The following ZNF808 variants were observed in gnomAD, a reference collection of about 807,000 sequenced individuals.
The protein encoded by ZNF808 is zinc finger protein 808.
ZNF808 carries 5 observed loss-of-function variants against 8.7 expected under a neutral mutation model. The observed-to-expected ratio is 0.58, with a 90% CI of 0.30 to 1.21. The LOEUF (loss-of-function observed/expected upper bound fraction) is 1.21. ZNF808 is among the 50% of genes most tolerant of loss of function. The pLI is 0.07. For synonymous variants in ZNF808, 380 were observed against 366.0 expected, an observed-to-expected ratio of 1.04 and a Z score of -0.44; for missense variants, 1,103 against 1,098.4, an observed-to-expected ratio of 1.00 and a Z score of -0.06.
intron 4 of ZNF808, among the ~76,000 whole-genome samples, chr19:52,549,554 A>C (rs2059755128): frequency 6.6e-6 from 1 of 152,086 alleles, no homozygotes; most frequent in Non-Finnish European, 1.5e-5. Flanking sequence ...TTGAATATTT[A>C]ACCTTGGGTC....
chr19:52,555,119 T>TA lies in ZNF808; in HGVS notation c.2204dup (p.Tyr735Ter). 1 of 1,614,164 alleles carries TA rather than the reference T, an allele frequency of 6.2e-7. No homozygotes were observed. Among genetic ancestry groups the TA allele is most frequent in the Non-Finnish European group, 8.5e-7 (1 of 1,180,026 alleles). ...HRRIHSGEKP[Y>*]KCSECSKTFS... ...TAGAATTCATAGTGGTGAGAAACCTTACAAGTGTAGTGAGTGCAGCAAGAC... is the reference window on the plus strand; with the variant it reads ...TAGAATTCATAGTGGTGAGAAACCTTAACAAGTGTAGTGAGTGCAGCAAGAC... Residue 735 changes from tyrosine (Y) to a stop codon, truncating the protein, a stop_gained and frameshift_variant, in exon 5 of 5, where the codon TAC becomes TAAC. Transcript: ENST00000359798. LOFTEE classifies it low-confidence loss of function (END_TRUNC).
intron 3 of ZNF808, among the ~76,000 whole-genome samples, chr19:52,543,730 G>A (rs1015389609): frequency 6.6e-6 from 1 of 152,180 alleles, no homozygotes. Flanking sequence ...ATGTTAATGT[G>A]CGCAGATGTG....
At chr19:52,568,519 T>C (rs1008938118), downstream of ZNF808, among the ~76,000 whole-genome samples, 1 of 152,184 alleles carries the variant, frequency 6.6e-6, no homozygotes, top group Non-Finnish European at 1.5e-5. Context: ...TATGGAGTGA[T>C]AATGTAACCT....
intron 1 of ZNF808, among the ~76,000 whole-genome samples, chr19:52,530,846 G>T (rs1345502956): frequency 1.3e-5 from 2 of 151,944 alleles, no homozygotes; most frequent in Non-Finnish European, 2.9e-5. Flanking sequence ...GTAGACATAC[G>T]CCTCTAATTT....
At chr19:52,534,002 G>A (rs1356522339) in intron 2 of ZNF808, among the ~76,000 whole-genome samples, 1 of 152,124 alleles carries the variant, frequency 6.6e-6, no homozygotes. Context: ...TGCAACCAGA[G>A]TCTAGTGGAA....
intron 4 of ZNF808, among the ~76,000 whole-genome samples, chr19:52,551,596 T>G (rs1296153247): frequency 2.0e-5 from 3 of 152,152 alleles, no homozygotes; most frequent in Non-Finnish European, 4.4e-5. Flanking sequence ...ATGTACTTAT[T>G]TGCTTGCTGG....
At chr19:52,536,925 G>A (rs539245585) in intron 2 of ZNF808, among the ~76,000 whole-genome samples, 2 of 152,284 alleles carry the variant, frequency 1.3e-5, no homozygotes, top group Admixed American at 6.5e-5. Context: ...TTTGGCTCAT[G>A]CCTGTAATCC....
At chr19:52,535,916 T>G (rs536309487) in intron 2 of ZNF808, 25 of 151,996 alleles carry the variant, frequency 1.6e-4, no homozygotes, top group African/African-American at 5.3e-4. Flanking sequence ...AAGGTCTCTC[T>G]GCCTCGCGCC....
chr19:52,537,204 A>G (rs1412069839), intron 2 of ZNF808, among the ~76,000 whole-genome samples: 2 of 152,102 alleles, frequency 1.3e-5, no homozygotes, highest in Admixed American at 6.6e-5. Context: ...AAGCGGTTAA[A>G]TAAGTTGTGA....
At chr19:52,558,989 C>T (rs894925182), downstream of ZNF808, among the ~76,000 whole-genome samples, 2 of 152,150 alleles carry the variant, frequency 1.3e-5, no homozygotes, top group Non-Finnish European at 2.9e-5. Flanking sequence ...CAGAACACTG[C>T]GAAAGGCCGC....
Position 52,549,687 on chromosome 19 carries a change from TC to T in ZNF808, c.190+2051del, listed in dbSNP as rs372655622. ...AGTTTACTCCTACATGCCCATTACT[TC>T]CTGCTCTCCACCCTTGCCCTTCCTT... On this transcript the variant is annotated intron_variant, in intron 4 of 4. Coordinates refer to ENST00000359798, the MANE Select transcript of ZNF808 (RefSeq NM_001039886.4). 7.8e-3 allele frequency among the ~76,000 whole-genome samples: 1,185 copies of T among 152,188 alleles called. 16 individuals are homozygous for T. Among genetic ancestry groups the T allele is most frequent in the African/African-American group, 0.027 (1,130 of 41,484 alleles).
chr19:52,555,392 A>G lies in ZNF808; in HGVS notation c.2476A>G (p.Lys826Glu). 1.2e-6 allele frequency: 2 copies of G among 1,614,162 alleles called. No individual in the cohort carries two copies. Among genetic ancestry groups the G allele is most frequent in the Non-Finnish European group, 1.7e-6 (2 of 1,179,998 alleles). ...EKPYKCNECG[K>E]AFNEQSHLSR... ...ACCTTACAAGTGTAATGAATGTGGA[A>G]AGGCTTTTAATGAACAATCACACCT... Residue 826 changes from lysine to glutamate, a missense_variant, in exon 5 of 5, where the codon AAG becomes GAG. Coordinates refer to ENST00000359798, the MANE Select transcript of ZNF808 (RefSeq NM_001039886.4).
intron 4 of ZNF808, among the ~76,000 whole-genome samples, chr19:52,550,956 T>G (rs2059770726): frequency 6.6e-6 from 1 of 152,054 alleles, no homozygotes; most frequent in African/African-American, 2.4e-5. Flanking sequence ...TTCAGTGGCT[T>G]TCACCTCTAA....
chr19:52,551,171 G>A (rs762500902), intron 4 of ZNF808, among the ~76,000 whole-genome samples: 1 of 152,168 alleles, frequency 6.6e-6, no homozygotes, highest in Non-Finnish European at 1.5e-5. Flanking sequence ...GGCCAACGTG[G>A]TGAAACCCCG....
chr19:52,551,245 G>A lies in ZNF808; in HGVS notation c.191-1862G>A, dbSNP rs2059773653. 1.3e-5 allele frequency among the ~76,000 whole-genome samples: 2 copies of A among 151,928 alleles called. 1 individual carries two copies. The highest frequency in any genetic ancestry group is 4.2e-4 in the South Asian group (2 of 4,818). ...TATGCACCTGTTATCCCAGCTTCTT[G>A]TGAGGCTGAGACAGGAGAGTCACTT... On this transcript the variant is annotated intron_variant, in intron 4 of 4. Transcript: ENST00000359798.
chr19:52,546,902 A>G (rs1224245669), intron 3 of ZNF808, among the ~76,000 whole-genome samples: 1 of 150,692 alleles, frequency 6.6e-6, no homozygotes, highest in Non-Finnish European at 1.5e-5. Context: ...TTGGTCTCCC[A>G]AAATGCTAGG....
At position 52,555,607 on chromosome 19, in the gene ZNF808, T is replaced by C; in HGVS notation, c.2691T>C (p.His897=). ...CACTTATTCACCATCAGGCAATTCATGGTATAGGGAAATTTGATTAATATA... is the reference window on the plus strand; with the variant it reads ...CACTTATTCACCATCAGGCAATTCACGGTATAGGGAAATTTGATTAATATA... ...RSTLIHHQAI[H]GIGKFD is the part of the protein sequence containing the mutation. Residue 897 remains histidine (H), a synonymous_variant, in exon 5 of 5, where the codon CAT becomes CAC. Coordinates refer to ENST00000359798, the MANE Select transcript of ZNF808 (RefSeq NM_001039886.4). 1.2e-6 allele frequency: 2 copies of C among 1,604,294 alleles called. No individual in the cohort carries two copies. Among genetic ancestry groups the C allele is most frequent in the Non-Finnish European group, 1.7e-6 (2 of 1,175,514 alleles).
chr19:52,548,602 C>A (rs1337685178), intron 4 of ZNF808, among the ~76,000 whole-genome samples: 3 of 151,992 alleles, frequency 2.0e-5, no homozygotes, highest in African/African-American at 7.2e-5. Flanking sequence ...TTTGGTGGTT[C>A]TATTACAGAT....
At chr19:52,566,374 C>T (rs1478709072), downstream of ZNF808, among the ~76,000 whole-genome samples, 1 of 151,918 alleles carries the variant, frequency 6.6e-6, no homozygotes, top group Non-Finnish European at 1.5e-5. Context: ...TTATGTTAGT[C>T]AGGCTGGTCT....
Sources: allele counts gnomAD v4.1 joint callset (sites outside exome capture counted in the v4.1 genomes callset), GRCh38; gene constraint gnomAD v4.1.1; transcripts MANE v1.5; gene names NCBI Gene and HGNC (gene_info 2026-07-23, HGNC 2026-07-21).